The following TBC1D24 variants were observed in gnomAD, a reference collection of about 807,000 sequenced individuals.
TBC1D24 encodes the protein Infantile myoclonic epilepsy.
In TBC1D24, 47 loss-of-function variants were observed where a neutral mutation model predicts 50.7. That is an observed-to-expected ratio of 0.93 (90% CI 0.73 to 1.18). TBC1D24 has a LOEUF of 1.18. TBC1D24 is among the 50% of genes most tolerant of loss of function. The pLI is 0.00. For synonymous variants in TBC1D24, 324 were observed against 335.2 expected, an observed-to-expected ratio of 0.97 and a Z score of 0.36; for missense variants, 688 against 766.5, an observed-to-expected ratio of 0.90 and a Z score of 1.21.
intron 1 of TBC1D24, among the ~76,000 whole-genome samples, chr16:2,494,544 G>T (rs900096203): frequency 1.3e-5 from 2 of 152,096 alleles, no homozygotes; most frequent in Non-Finnish European, 2.9e-5. Flanking sequence ...GACCATGCTC[G>T]AGTGGAAAGG....
chr16:2,500,479 G>T lies in TBC1D24; in HGVS notation c.1514G>T (p.Cys505Phe). ...ATGTTCATGGCGGGGGGCAGCGACT[G>T]CCTCATCGTCGGTGAGCGCCAGCAG... is the stretch of plus-strand genomic sequence containing the variant. Reference protein sequence around the residue: ...ESMFMAGGSDCLIVGGGGGQA... With the variant: ...ESMFMAGGSDFLIVGGGGGQA... Residue 505 changes from cysteine (C) to phenylalanine (F), a missense_variant, in exon 7 of 8, where the codon TGC becomes TTC. By Grantham distance (205) the Cys-to-Phe change is radical (BLOSUM62 -2). Transcript: ENST00000646147. The surrounding 1 kb of genome is among the most constrained non-coding windows in gnomAD (Gnocchi z 8.0). The T allele has an allele frequency of 6.4e-7, 1 of 1,569,940 alleles. No homozygotes were observed. Among genetic ancestry groups the T allele is most frequent in the Non-Finnish European group, 8.6e-7 (1 of 1,158,260 alleles).
Position 2,504,249 on chromosome 16 carries a change from G to C in TBC1D24, c.*3291G>C, listed in dbSNP as rs1194889136. 2 of 152,016 alleles carry C rather than the reference G, an allele frequency of 1.3e-5. No individual in the cohort carries two copies. The highest frequency in any genetic ancestry group is 2.9e-5 in the Non-Finnish European group (2 of 68,016). 9.4% of individuals were successfully genotyped at this position (152,016 alleles called of 1,614,324 possible). The stretch of plus-strand genomic sequence containing the variant: ...TGAGTAGTTTATATTTAGTAATTTA[G>C]TTGTGTACCTTTTTATTTTGAAGTA... On this transcript the variant is annotated 3_prime_UTR_variant, in exon 8 of 8. Transcript: ENST00000646147.
chr16:2,499,428 G>A lies in TBC1D24; in HGVS notation c.1206+8G>A. On this transcript the variant is annotated splice_region_variant and intron_variant, in intron 5 of 7. Transcript: ENST00000646147. The surrounding 1 kb of genome is among the most constrained non-coding windows in gnomAD (Gnocchi z 4.0). ...AAGACCACGCAGAAGGAGGTGAGCA[G>A]GGGCCCTGGAGCCAGGGCTGGCTCT... 1 of 1,612,918 alleles carries A rather than the reference G, an allele frequency of 6.2e-7. No individual in the cohort carries two copies. The highest frequency in any genetic ancestry group is 8.5e-7 in the Non-Finnish European group (1 of 1,179,596).
chr16:2,500,214 C>T lies in TBC1D24; in HGVS notation c.1303-54C>T, dbSNP rs1004342135. 4 of 1,465,030 alleles carry T rather than the reference C, an allele frequency of 2.7e-6. No individual in the cohort carries two copies. Among genetic ancestry groups the T allele is most frequent in the Non-Finnish European group, 3.7e-6 (4 of 1,069,128 alleles). The allele number at this position is 1,465,030 out of a possible 1,614,324, so 90.8% of individuals were successfully genotyped here. On this transcript the variant is annotated intron_variant, in intron 6 of 7. Transcript: ENST00000646147. This position sits in a 1 kb window ranked among gnomAD's most constrained non-coding sequence, Gnocchi z 8.0. ...GATGAAACGGGTTGTGGCTCTGGGG[C>T]AGAGGGGCCTGCGAACGCCCGCGCC...
chr16:2,476,192 G>T (rs1366188452), intron 1 of TBC1D24, among the ~76,000 whole-genome samples: 4 of 152,152 alleles, frequency 2.6e-5, no homozygotes, highest in Non-Finnish European at 4.4e-5. Flanking sequence ...CCATTATTTG[G>T]CACGTGGGCC....
intron 3 of TBC1D24, 131 bp from the exon 4 acceptor site, chr16:2,498,107 C>A: frequency 2.4e-6 from 3 of 1,247,564 alleles, no homozygotes; most frequent in Non-Finnish European, 3.4e-6. Context: ...CGGCCCTAAA[C>A]CGGGGCCGGG....
Position 2,497,019 on chromosome 16 carries a change from G to C in TBC1D24, c.871G>C (p.Ala291Pro). 1 of 1,613,710 alleles carries C rather than the reference G, an allele frequency of 6.2e-7. No homozygotes were observed. Residue 291 changes from alanine to proline, a missense_variant, in exon 2 of 8, where the codon GCC becomes CCC. By Grantham distance (27) the Ala-to-Pro change is conservative (BLOSUM62 -1). Coordinates refer to ENST00000646147, the MANE Select transcript of TBC1D24 (RefSeq NM_001199107.2). ...SPEKLLEKAF[A>P]IRLFSRKEIQ... is the part of the protein sequence containing the mutation. ...TGAGAAGCTGCTGGAGAAAGCGTTC[G>C]CCATCCGCCTCTTCTCCCGCAAGGA...
In TBC1D24 at chr16:2,500,150, G is replaced by A. The variant is rs1056800822; in HGVS notation, c.1303-118G>A. On this transcript the variant is annotated intron_variant, in intron 6 of 7. Transcript: ENST00000646147. This position sits in a 1 kb window ranked among gnomAD's most constrained non-coding sequence, Gnocchi z 8.0. The stretch of plus-strand genomic sequence containing the variant: ...CCACCAGCTCCCCAGCCCCTGGCTC[G>A]GGCTGCACCCACCTTGGGCTCTGGG... The A allele has an allele frequency of 3.6e-5, 41 of 1,129,086 alleles. No homozygotes were observed. Among genetic ancestry groups the A allele is most frequent in the Middle Eastern group, 2.6e-4 (1 of 3,836 alleles). 69.9% of individuals were successfully genotyped at this position (1,129,086 alleles called of 1,614,324 possible). A position where few individuals can be genotyped will look rare whatever the true frequency, so the allele number is the denominator to read the frequency against.
chr16:2,490,542 C>T (rs1039984748), intron 1 of TBC1D24, among the ~76,000 whole-genome samples: 1 of 152,192 alleles, frequency 6.6e-6, no homozygotes. Context: ...TGCCTGAACC[C>T]GGAGAGAGAG....
intron 1 of TBC1D24, chr16:2,484,668 A>C (rs1268403982): frequency 6.6e-6 from 1 of 152,414 alleles, no homozygotes; most frequent in African/African-American, 2.4e-5. Context: ...AGACAAGTCC[A>C]GTGGCTCTCT....
intron 1 of TBC1D24, among the ~76,000 whole-genome samples, chr16:2,493,050 G>A (rs1408807655): frequency 6.6e-6 from 1 of 151,910 alleles, no homozygotes; most frequent in Admixed American, 6.6e-5. Flanking sequence ...CTGAGATTAC[G>A]CCACTGCACT....
chr16:2,482,846 G>T lies in TBC1D24; in HGVS notation c.-116+7676G>T, dbSNP rs759212181. Among the ~76,000 whole-genome samples the T allele has an allele frequency of 3.3e-5, 5 of 152,210 alleles. No individual in the cohort carries two copies. Among genetic ancestry groups the T allele is most frequent in the African/African-American group, 4.8e-5 (2 of 41,438 alleles). On this transcript the variant is annotated intron_variant, in intron 1 of 7. Coordinates refer to ENST00000646147, the MANE Select transcript of TBC1D24 (RefSeq NM_001199107.2). This position sits in a 1 kb window ranked among gnomAD's most constrained non-coding sequence, Gnocchi z 5.2. ...CCGCGGAGAGGTGAGGGGATGCCTG[G>T]CAGGGAGGCAGGCGGGATGAGGCCC...
intron 2 of TBC1D24, 72 bp downstream of exon 2, chr16:2,497,185 T>C (rs980694730): frequency 3.2e-6 from 5 of 1,586,566 alleles, no homozygotes; most frequent in Non-Finnish European, 4.3e-6. Flanking sequence ...TGGCGTGAGC[T>C]CATCCTGCCG....
rs1284619393 is a variant in TBC1D24 at position 2,500,680 on chromosome 16, G to A, written c.1526-124G>A. 4.3e-6 allele frequency: 6 copies of A among 1,395,708 alleles called. No homozygotes were observed. In the South Asian group the frequency reaches 8.2e-5, roughly 19 times the overall value. 86.5% of individuals were successfully genotyped at this position (1,395,708 alleles called of 1,614,324 possible). The stretch of plus-strand genomic sequence containing the variant: ...GACAGCTGGTCCTGGGGGCTATGGA[G>A]GGTCAACGGTCTGTGCGGTTTCAGA... On this transcript the variant is annotated intron_variant, in intron 7 of 7. Coordinates refer to ENST00000646147, the MANE Select transcript of TBC1D24 (RefSeq NM_001199107.2). The surrounding 1 kb of genome is among the most constrained non-coding windows in gnomAD (Gnocchi z 8.0).
intron 1 of TBC1D24, among the ~76,000 whole-genome samples, chr16:2,489,566 A>G (rs2065679636): frequency 6.6e-6 from 1 of 152,222 alleles, no homozygotes; most frequent in African/African-American, 2.4e-5. Context: ...AGGTCCCTGG[A>G]GAGGCTTCCC....
At position 2,499,856 on chromosome 16, in the gene TBC1D24, A is replaced by G. The variant is rs1414214658; in HGVS notation, c.1228A>G (p.Thr410Ala). The change falls in exon 6 of 8, where the codon ACA becomes GCA. Residue 410 changes from threonine to alanine, a missense_variant. Coordinates refer to ENST00000646147, the MANE Select transcript of TBC1D24 (RefSeq NM_001199107.2). This position sits in a 1 kb window ranked among gnomAD's most constrained non-coding sequence, Gnocchi z 4.0. ...QKEVCGAYLSTDWSERNKFGG... is the reference protein window; with the variant it reads ...QKEVCGAYLSADWSERNKFGG... Reference sequence around the variant, plus strand: ...CCAGGTGTGTGGTGCTTACCTGTCCACAGACTGGAGTGAGAGAAATAAGTT... The same window carrying G: ...CCAGGTGTGTGGTGCTTACCTGTCCGCAGACTGGAGTGAGAGAAATAAGTT... 1.9e-6 allele frequency: 3 copies of G among 1,613,986 alleles called. No individual in the cohort carries two copies. Among genetic ancestry groups the G allele is most frequent in the Non-Finnish European group, 2.5e-6 (3 of 1,179,950 alleles).
At position 2,486,580 on chromosome 16, in the gene TBC1D24, C is replaced by T. The variant is rs761228897; in HGVS notation, c.-115-9454C>T. 6.6e-6 allele frequency among the ~76,000 whole-genome samples: 1 copy of T among 152,200 alleles called. No homozygotes were observed. Among genetic ancestry groups the T allele is most frequent in the African/African-American group, 2.4e-5 (1 of 41,446 alleles). ...CCAGCTCTTCAACCTGGAGTCCTAG[C>T]GAACACTGACCTACGTTGGGACAGG... is the stretch of plus-strand genomic sequence containing the variant. On this transcript the variant is annotated intron_variant, in intron 1 of 7. Transcript: ENST00000646147. The surrounding 1 kb of genome is among the most constrained non-coding windows in gnomAD (Gnocchi z 5.8).
chr16:2,497,580 G>C, intron 2 of TBC1D24, 130 bp from the exon 3 acceptor site: 1 of 881,260 alleles, frequency 1.1e-6, no homozygotes, highest in Non-Finnish European at 1.8e-6. Flanking sequence ...GCCACGCTGC[G>C]GCCTGTTGGC....
chr16:2,475,152 G>T lies in TBC1D24; in HGVS notation c.-134G>T. The T allele has an allele frequency of 6.6e-6, 1 of 150,832 alleles. No homozygotes were observed. Among genetic ancestry groups the T allele is most frequent in the South Asian group, 1.9e-4 (1 of 5,300 alleles). The allele number at this position is 150,832 out of a possible 1,614,324, so 9.3% of individuals were successfully genotyped here. ...AGAAAGGCCGGCGCGGCAGGCTGAG[G>T]AGAAAGCGGCGCGCGGAGGTGGGTG... is the stretch of plus-strand genomic sequence containing the variant. On this transcript the variant is annotated 5_prime_UTR_variant, in exon 1 of 8. Coordinates refer to ENST00000646147, the MANE Select transcript of TBC1D24 (RefSeq NM_001199107.2). The surrounding 1 kb of genome is among the most constrained non-coding windows in gnomAD (Gnocchi z 4.2).
Sources: gnomAD v4.1 joint callset for allele counts (sites outside exome capture counted in the v4.1 genomes callset) on GRCh38, gnomAD v4.1.1 for gene constraint, Gnocchi (gnomAD v3.1) non-coding constraint, MANE v1.5 for transcripts, NCBI Gene and HGNC (gene_info 2026-07-23, HGNC 2026-07-21) for gene names.